Variants in PTPRM observed in about 807,000 individuals in gnomAD.
PTPRM encodes protein tyrosine phosphatase receptor type M, also known as receptor-type tyrosine-protein phosphatase mu.
PTPRM carries 47 observed loss-of-function variants against 186.7 expected under a neutral mutation model. The ratio of observed to expected loss-of-function variants is 0.25; its 90% CI spans 0.20 to 0.32. The LOEUF (loss-of-function observed/expected upper bound fraction) is 0.32. Among genes scored for constraint, PTPRM ranks in the 10% least tolerant of loss-of-function variants. The pLI, the probability that PTPRM is intolerant of heterozygous loss-of-function variation, is 1.00. For missense variants in PTPRM, 1,494 were observed against 1,865.0 expected (o/e 0.80, Z 3.66); for synonymous variants, 668 against 674.9 (o/e 0.99, Z 0.16).
chr18:7,995,237 A>T (rs2083471847), intron 7 of PTPRM, among the ~76,000 whole-genome samples: 1 of 152,124 alleles, frequency 6.6e-6, no homozygotes, highest in African/African-American at 2.4e-5. Flanking sequence ...AAGAAATAGA[A>T]AACCTGTGCA....
chr18:8,158,138 A>G (rs527330794), intron 14 of PTPRM, among the ~76,000 whole-genome samples: 21 of 152,292 alleles, frequency 1.4e-4, no homozygotes, highest in African/African-American at 4.6e-4. Context: ...TTTAACCTCT[A>G]TCTATTAGCA....
At chr18:7,960,480 TACACAC>T (rs74175819) in intron 7 of PTPRM, among the ~76,000 whole-genome samples, 24 of 86,596 alleles carry the variant, frequency 2.8e-4, no homozygotes, top group East Asian at 1.6e-3. Context: ...TATATATATA[TACACAC>T]ACACACACAC....
intron 1 of PTPRM, among the ~76,000 whole-genome samples, chr18:7,762,170 A>G (rs1436069472): frequency 6.6e-6 from 1 of 152,162 alleles, no homozygotes; most frequent in Non-Finnish European, 1.5e-5. Context: ...TATGATAAGG[A>G]CATCAAGAAA....
At position 8,380,443 on chromosome 18, in the gene PTPRM, C is replaced by T. The variant is rs1295803250; in HGVS notation, c.3918+16C>T. ...TCCTGCCCAGGTGAGACCCGGACTT[C>T]TTACAGTCAGAACTAGTGCCAGGGG... On this transcript the variant is annotated intron_variant, in intron 29 of 32. Coordinates refer to ENST00000580170, the MANE Select transcript of PTPRM (RefSeq NM_001105244.2). The T allele has an allele frequency of 6.2e-7, 1 of 1,614,028 alleles. No individual in the cohort carries two copies. Among genetic ancestry groups the T allele is most frequent in the Non-Finnish European group, 8.5e-7 (1 of 1,179,930 alleles).
intron 19 of PTPRM, among the ~76,000 whole-genome samples, chr18:8,265,012 A>G (rs1270906686): frequency 2.0e-5 from 3 of 152,128 alleles, no homozygotes; most frequent in Non-Finnish European, 4.4e-5. Context: ...CTCCATGAAG[A>G]CACAGACCTA....
intron 19 of PTPRM, among the ~76,000 whole-genome samples, chr18:8,287,705 A>G (rs1027651241): frequency 6.6e-6 from 1 of 152,206 alleles, no homozygotes; most frequent in Non-Finnish European, 1.5e-5. Flanking sequence ...GGTGGAGGAA[A>G]TTACAGCTCT....
At chr18:8,214,279 T>G (rs1316293079) in intron 14 of PTPRM, among the ~76,000 whole-genome samples, 1 of 81,314 alleles carries the variant, frequency 1.2e-5, no homozygotes, top group African/African-American at 4.3e-5. Flanking sequence ...AATTGAAACT[T>G]AAATTTTAGA....
At chr18:8,128,720 C>CA in intron 13 of PTPRM, among the ~76,000 whole-genome samples, 1 of 152,082 alleles carries the variant, frequency 6.6e-6, no homozygotes, top group Non-Finnish European at 1.5e-5. Context: ...AATACTGAGT[C>CA]AAATGTCAAG....
chr18:8,238,651 GTTT>G (rs71165776), intron 14 of PTPRM, among the ~76,000 whole-genome samples: 206 of 25,512 alleles, frequency 8.1e-3, no homozygotes, highest in Middle Eastern at 0.031. Context: ...TGTTTTGTGT[GTTT>G]TTTTTTTTTT....
At chr18:7,889,812 G>A (rs978374112) in intron 3 of PTPRM, among the ~76,000 whole-genome samples, 1 of 152,184 alleles carries the variant, frequency 6.6e-6, no homozygotes, top group Non-Finnish European at 1.5e-5. Context: ...GCAACAGGAA[G>A]AAAGTACCAG....
At chr18:8,303,816 G>A (rs1042930964) in intron 20 of PTPRM, among the ~76,000 whole-genome samples, 2 of 152,232 alleles carry the variant, frequency 1.3e-5, no homozygotes, top group African/African-American at 4.8e-5. Flanking sequence ...GTGGAAACAA[G>A]CAGGGAGACT....
chr18:8,171,994 G>A (rs1054600528), intron 14 of PTPRM, among the ~76,000 whole-genome samples: 11 of 152,122 alleles, frequency 7.2e-5, no homozygotes, highest in East Asian at 5.8e-4. Flanking sequence ...ATGGATACTC[G>A]AAGTACAGTT....
At chr18:7,833,891 A>G (rs1312059498) in intron 2 of PTPRM, among the ~76,000 whole-genome samples, 1 of 152,214 alleles carries the variant, frequency 6.6e-6, no homozygotes, top group East Asian at 1.9e-4. Flanking sequence ...TTCTAAATAT[A>G]TCTATCATCT....
intron 5 of PTPRM, among the ~76,000 whole-genome samples, chr18:7,933,940 T>C (rs1175098212): frequency 2.0e-5 from 3 of 152,244 alleles, no homozygotes; most frequent in Admixed American, 1.3e-4. Flanking sequence ...ATATGGTCAA[T>C]ATATCATCTT....
intron 2 of PTPRM, among the ~76,000 whole-genome samples, chr18:7,887,046 G>A (rs1323558222): frequency 6.6e-6 from 1 of 152,058 alleles, no homozygotes; most frequent in Non-Finnish European, 1.5e-5. Flanking sequence ...TACACACCTT[G>A]AACATTGTGA....
chr18:8,394,137 C>T (rs188667256), intron 31 of PTPRM, among the ~76,000 whole-genome samples: 265 of 152,196 alleles, frequency 1.7e-3, no homozygotes, highest in African/African-American at 5.8e-3. Flanking sequence ...GAACGTAACC[C>T]GTACTTGTCA....
chr18:7,785,182 A>C (rs1478621819), intron 2 of PTPRM, among the ~76,000 whole-genome samples: 2 of 152,182 alleles, frequency 1.3e-5, no homozygotes, highest in African/African-American at 4.8e-5. Flanking sequence ...ATATGAAGGA[A>C]GAGGGTGATT....
Position 8,186,980 on chromosome 18 carries a change from G to T in PTPRM, c.2300+43201G>T, listed in dbSNP as rs187986256. ...TTTTGAGACAGAGTCTCGCTCTGTT[G>T]TGCAGGCTGGAGTGCAGTGGCTTGA... On this transcript the variant is annotated intron_variant, in intron 14 of 32. Coordinates refer to ENST00000580170, the MANE Select transcript of PTPRM (RefSeq NM_001105244.2). Among the ~76,000 whole-genome samples, 293 of 149,164 alleles carry T rather than the reference G, an allele frequency of 2.0e-3. 1 individual carries two copies. The highest frequency in any genetic ancestry group is 6.8e-3 in the African/African-American group (278 of 40,664).
chr18:7,733,087 ATTTT>A (rs1414898707), intron 1 of PTPRM, among the ~76,000 whole-genome samples: 1 of 151,970 alleles, frequency 6.6e-6, no homozygotes, highest in Non-Finnish European at 1.5e-5. Flanking sequence ...CTTATTTTGT[ATTTT>A]AAGTTCCGGG....
Sources: allele counts gnomAD v4.1 joint callset (sites outside exome capture counted in the v4.1 genomes callset), GRCh38; gene constraint gnomAD v4.1.1; transcripts MANE v1.5; gene names NCBI Gene and HGNC (gene_info 2026-07-23, HGNC 2026-07-21).